Variants in HIBADH observed in about 807,000 individuals in gnomAD.
HIBADH encodes the protein 3-hydroxyisobutyrate dehydrogenase, mitochondrial.
A neutral mutation model predicts 36.1 loss-of-function variants in HIBADH; 25 were observed. The ratio of observed to expected loss-of-function variants is 0.69; its 90% CI spans 0.50 to 0.97. HIBADH has a LOEUF of 0.97. HIBADH is among the 50% of genes least tolerant of loss of function. HIBADH has a pLI of 0.00. For synonymous variants in HIBADH, 160 were observed against 149.5 expected, an observed-to-expected ratio of 1.07 and a Z score of -0.51; for missense variants, 421 against 418.0, an observed-to-expected ratio of 1.01 and a Z score of -0.06.
At chr7:27,578,168 T>A (rs1479610116) in intron 4 of HIBADH, among the ~76,000 whole-genome samples, 1 of 152,214 alleles carries the variant, frequency 6.6e-6, no homozygotes, top group Non-Finnish European at 1.5e-5. Flanking sequence ...AGACATTACT[T>A]AAGCATGAAT....
At chr7:27,551,328 C>T (rs1049081692) in intron 4 of HIBADH, among the ~76,000 whole-genome samples, 2 of 152,196 alleles carry the variant, frequency 1.3e-5, no homozygotes, top group African/African-American at 4.8e-5. Flanking sequence ...CAAGTTATAA[C>T]ACCTCTCAAT....
At chr7:27,561,029 G>A (rs930106074) in intron 4 of HIBADH, among the ~76,000 whole-genome samples, 1 of 152,056 alleles carries the variant, frequency 6.6e-6, no homozygotes, top group Non-Finnish European at 1.5e-5. Flanking sequence ...TCTCTTTGTG[G>A]TTTTGATTTG....
chr7:27,540,007 G>A (rs901315985), intron 5 of HIBADH, among the ~76,000 whole-genome samples: 30 of 151,950 alleles, frequency 2.0e-4, no homozygotes, highest in South Asian at 2.1e-4. Context: ...TCGCTGTCTC[G>A]GGGTGACAGA....
chr7:27,618,745 G>C (rs1785480153), intron 4 of HIBADH, among the ~76,000 whole-genome samples: 1 of 152,132 alleles, frequency 6.6e-6, no homozygotes, highest in Admixed American at 6.5e-5. Flanking sequence ...CATGGCATCA[G>C]CATCTGCACA....
intron 4 of HIBADH, among the ~76,000 whole-genome samples, chr7:27,614,461 GAAGAA>G (rs2128292421): frequency 6.6e-6 from 1 of 152,280 alleles, no homozygotes; most frequent in African/African-American, 2.4e-5. Flanking sequence ...GAATTTTAAA[GAAGAA>G]AAGATTCTTG....
At chr7:27,603,419 A>C (rs1009615626) in intron 4 of HIBADH, among the ~76,000 whole-genome samples, 1 of 152,092 alleles carries the variant, frequency 6.6e-6, no homozygotes, top group African/African-American at 2.4e-5. Context: ...TGTGCTCCTA[A>C]GGGATATAAA....
chr7:27,549,076 G>C (rs964567845), intron 4 of HIBADH, among the ~76,000 whole-genome samples: 2 of 152,082 alleles, frequency 1.3e-5, no homozygotes, highest in Non-Finnish European at 1.5e-5. Flanking sequence ...AGTTCTGCCT[G>C]TTATCTAAAT....
chr7:27,584,380 C>T lies in HIBADH; in HGVS notation c.485-41280G>A, dbSNP rs1348629342. ...CAGAAACTCACATTCTTTAACTGCA[C>T]CAACAATCTTTTCACAAAAGTCTTT... On this transcript the variant is annotated intron_variant, in intron 4 of 7. Coordinates refer to ENST00000265395, the MANE Select transcript of HIBADH (RefSeq NM_152740.4). 2.0e-5 allele frequency among the ~76,000 whole-genome samples: 3 copies of T among 152,012 alleles called. No individual in the cohort carries two copies. The East Asian group carries it at 5.8e-4, about 29-fold the overall frequency.
At chr7:27,558,181 T>TC (rs1784419847) in intron 4 of HIBADH, among the ~76,000 whole-genome samples, 1 of 152,216 alleles carries the variant, frequency 6.6e-6, no homozygotes, top group Non-Finnish European at 1.5e-5. Context: ...AAAGACCAGT[T>TC]CTTGGTTTTA....
At chr7:27,599,235 A>G (rs1270609226) in intron 4 of HIBADH, among the ~76,000 whole-genome samples, 1 of 152,226 alleles carries the variant, frequency 6.6e-6, no homozygotes, top group African/African-American at 2.4e-5. Flanking sequence ...TATCAAATGC[A>G]TTCCTTAGGT....
At chr7:27,538,289 A>C (rs1784095295) in intron 6 of HIBADH, 52 bp downstream of exon 6, 2 of 1,345,750 alleles carry the variant, frequency 1.5e-6, no homozygotes, top group South Asian at 2.4e-5. Context: ...TCAGAAAATC[A>C]AATAGGAAAG....
chr7:27,562,590 C>G (rs1784483608), intron 4 of HIBADH, among the ~76,000 whole-genome samples: 1 of 152,288 alleles, frequency 6.6e-6, no homozygotes, highest in African/African-American at 2.4e-5. Flanking sequence ...CTCCCTGGTT[C>G]AAGTGATCCT....
intron 4 of HIBADH, among the ~76,000 whole-genome samples, chr7:27,549,368 C>T (rs955994898): frequency 2.6e-5 from 4 of 152,028 alleles, no homozygotes; most frequent in Non-Finnish European, 5.9e-5. Context: ...ATATGTTGTA[C>T]ATGCTAAATA....
At chr7:27,529,961 T>C (rs1280015782) in intron 7 of HIBADH, among the ~76,000 whole-genome samples, 3 of 152,226 alleles carry the variant, frequency 2.0e-5, no homozygotes, top group African/African-American at 7.2e-5. Context: ...AAGGACTATA[T>C]GACTCACTGA....
intron 5 of HIBADH, among the ~76,000 whole-genome samples, chr7:27,541,212 A>G (rs1294749541): frequency 2.6e-5 from 4 of 151,238 alleles, no homozygotes; most frequent in Non-Finnish European, 5.9e-5. Context: ...TTTCTCTTCA[A>G]TGATTTTTTC....
Position 27,543,006 on chromosome 7 carries a change from G to A in HIBADH, c.579C>T (p.Gly193=), listed in dbSNP as rs1431169003. The change falls in exon 5 of 8, where the codon GGC becomes GGT. Residue 193 remains glycine (G), a synonymous_variant. Coordinates refer to ENST00000265395, the MANE Select transcript of HIBADH (RefSeq NM_152740.4). ...AAAQELLGCM[G]SNVVYCGAVG... ...CAGCTCCACAGTACACCACGTTGGAGCCCATGCACCCCAGCAACTCTTGGG... is the reference window on the plus strand; with the variant it reads ...CAGCTCCACAGTACACCACGTTGGAACCCATGCACCCCAGCAACTCTTGGG... 1 of 1,613,768 alleles carries A rather than the reference G, an allele frequency of 6.2e-7. No individual in the cohort carries two copies. Among genetic ancestry groups the A allele is most frequent in the Non-Finnish European group, 8.5e-7 (1 of 1,179,846 alleles).
chr7:27,652,081 AG>A (rs1786204890), intron 1 of HIBADH, among the ~76,000 whole-genome samples: 1 of 152,236 alleles, frequency 6.6e-6, no homozygotes, highest in Non-Finnish European at 1.5e-5. Flanking sequence ...CACTATGCTA[AG>A]CACTTTATAA....
At chr7:27,629,938 C>T (rs763156353) in intron 3 of HIBADH, among the ~76,000 whole-genome samples, 3 of 123,322 alleles carry the variant, frequency 2.4e-5, no homozygotes, top group Admixed American at 8.9e-5. Context: ...TTCATATATC[C>T]GTGTTATTTC....
chr7:27,605,580 GACAAGCAAAAAA>G (rs1785207855), intron 4 of HIBADH, among the ~76,000 whole-genome samples: 1 of 18,850 alleles, frequency 5.3e-5, no homozygotes, highest in African/African-American at 2.1e-4. Context: ...CCAGTGTTTA[GACAAGCAAAAAA>G]AAAAAAAAAA....
Sources: allele counts gnomAD v4.1 joint callset (sites outside exome capture counted in the v4.1 genomes callset), GRCh38; gene constraint gnomAD v4.1.1; transcripts MANE v1.5; gene names NCBI Gene and HGNC (gene_info 2026-07-23, HGNC 2026-07-21).